MYCBP2: variants seen among roughly 807,000 people sequenced by gnomAD.
MYCBP2 encodes E3 ubiquitin-protein ligase MYCBP2.
MYCBP2 carries 120 observed loss-of-function variants against 525.3 expected under a neutral mutation model. The observed-to-expected ratio is 0.23, with a 90% CI of 0.20 to 0.27. The LOEUF (loss-of-function observed/expected upper bound fraction) is 0.27. Ranked by LOEUF, MYCBP2 falls within the 10% of genes least tolerant of loss-of-function variation. MYCBP2 has a pLI of 1.00. For synonymous variants in MYCBP2, 1,894 were observed against 1,955.8 expected (o/e 0.97, Z 0.83); for missense variants, 4,149 against 5,657.1 (o/e 0.73, Z 8.55).
intron 1 of MYCBP2, among the ~76,000 whole-genome samples, chr13:77,308,176 C>A (rs548813776): frequency 6.6e-6 from 1 of 152,098 alleles, no homozygotes; most frequent in East Asian, 1.9e-4. Flanking sequence ...AAAATCCCTC[C>A]CCTACCCATC....
At chr13:77,118,593 C>T in intron 55 of MYCBP2, 1 of 662,386 alleles carries the variant, frequency 1.5e-6, no homozygotes, top group Non-Finnish European at 2.7e-6. Context: ...TAGAGTTGAA[C>T]ACTAAATAAA....
chr13:77,272,455 T>G (rs1279348899), intron 5 of MYCBP2: 1 of 152,220 alleles, frequency 6.6e-6, no homozygotes, highest in Admixed American at 6.5e-5. Flanking sequence ...GTGGTCACTA[T>G]CCTATTAAAA....
intron 68 of MYCBP2, among the ~76,000 whole-genome samples, chr13:77,070,970 C>T (rs1034435914): frequency 3.3e-5 from 5 of 152,044 alleles, no homozygotes; most frequent in African/African-American, 1.2e-4. Flanking sequence ...ATTTGAGTAG[C>T]TTTGATTAAA....
chr13:77,107,937 G>A (rs948737793), intron 55 of MYCBP2, among the ~76,000 whole-genome samples: 6 of 152,146 alleles, frequency 3.9e-5, no homozygotes, highest in Middle Eastern at 3.4e-3. Context: ...AGCTTAGGAC[G>A]TGGAACAGAA....
chr13:77,220,120 T>C (rs1167574289), intron 20 of MYCBP2, among the ~76,000 whole-genome samples: 2 of 152,240 alleles, frequency 1.3e-5, no homozygotes, highest in East Asian at 3.9e-4. Flanking sequence ...GATTGATTCA[T>C]GTTTGCGGTT....
In MYCBP2 at chr13:77,150,934, C is replaced by G; in HGVS notation, c.6931G>C (p.Val2311Leu). The change falls in exon 47 of 83, where the codon GTC (valine) becomes CTC (leucine). Residue 2311 changes from valine to leucine, a missense_variant. Val to Leu is a conservative substitution (Grantham distance 32). Transcript: ENST00000544440. ...GACATTTTTTTCTGAGAAACAGGGACAGCTTTCACTTCCACCTAAACATGG... is the reference window on the plus strand; with the variant it reads ...GACATTTTTTTCTGAGAAACAGGGAGAGCTTTCACTTCCACCTAAACATGG... ...VPNMKVEVKA[V>L]PVSQKKMSLQ... is the part of the protein sequence containing the mutation. 3 of 1,613,854 alleles carry G rather than the reference C, an allele frequency of 1.9e-6. No homozygotes were observed. Among genetic ancestry groups the G allele is most frequent in the Non-Finnish European group, 2.5e-6 (3 of 1,179,832 alleles).
chr13:77,127,433 T>C (rs1356834806), intron 52 of MYCBP2, among the ~76,000 whole-genome samples: 1 of 151,884 alleles, frequency 6.6e-6, no homozygotes, highest in Non-Finnish European at 1.5e-5. Flanking sequence ...CCCAACTAAA[T>C]GTAAATAAAG....
At chr13:77,262,904 A>G (rs1384859246) in intron 10 of MYCBP2, among the ~76,000 whole-genome samples, 1 of 151,976 alleles carries the variant, frequency 6.6e-6, no homozygotes, top group African/African-American at 2.4e-5. Context: ...TAATTAGAAT[A>G]TAGAAAGTAA....
intron 21 of MYCBP2, among the ~76,000 whole-genome samples, chr13:77,213,858 G>A (rs917334767): frequency 2.0e-5 from 3 of 152,196 alleles, no homozygotes; most frequent in East Asian, 3.9e-4. Context: ...AGGAGACAGC[G>A]GGTGTCATGA....
intron 3 of MYCBP2, among the ~76,000 whole-genome samples, chr13:77,287,578 T>C (rs533269790): frequency 2.1e-4 from 32 of 152,150 alleles, no homozygotes; most frequent in Non-Finnish European, 4.1e-4. Flanking sequence ...GAAGTTCAGT[T>C]GGTTCATAGG....
Position 77,051,815 on chromosome 13 carries a change from G to A in MYCBP2, c.13751C>T (p.Ala4584Val). The A allele has an allele frequency of 6.2e-7, 1 of 1,612,458 alleles. No individual in the cohort carries two copies. The highest frequency in any genetic ancestry group is 8.5e-7 in the Non-Finnish European group (1 of 1,178,676). Residue 4584 changes from alanine (A) to valine (V), a missense_variant, in exon 81 of 83, where the codon GCT becomes GTT. Physicochemically the swap from Ala to Val is moderately conservative, Grantham distance 64. Coordinates refer to ENST00000544440, the MANE Select transcript of MYCBP2 (RefSeq NM_015057.5). ...CTAATAAAATGTTCTGCCTACCTGA[G>A]CCCTGGAAACATCAGAACAGGCACC... ...ICGACSDVSR[A>V]QMCPKHGTDF... is the part of the protein sequence containing the mutation.
chr13:77,291,891 G>A (rs2077519540), intron 2 of MYCBP2, among the ~76,000 whole-genome samples: 1 of 152,172 alleles, frequency 6.6e-6, no homozygotes, highest in Non-Finnish European at 1.5e-5. Flanking sequence ...TTGACCCTTG[G>A]CTAACCTTTG....
At chr13:77,232,595 G>C (rs1273245547) in intron 18 of MYCBP2, among the ~76,000 whole-genome samples, 3 of 152,176 alleles carry the variant, frequency 2.0e-5, no homozygotes, top group Non-Finnish European at 2.9e-5. Context: ...CCAGGGACTA[G>C]AGAAAGTCTT....
chr13:77,064,750 G>A lies in MYCBP2; in HGVS notation c.12553-16C>T, dbSNP rs774072760. The A allele has an allele frequency of 6.2e-7, 1 of 1,601,412 alleles. No individual in the cohort carries two copies. Among genetic ancestry groups the A allele is most frequent in the Non-Finnish European group, 8.5e-7 (1 of 1,174,454 alleles). On this transcript the variant is annotated splice_polypyrimidine_tract_variant and intron_variant, in intron 72 of 82. Transcript: ENST00000544440. ...ACAGATGACCCTATTGAGCAGAACAGAGTATTTTAATAAGTGACCAGAAAT... is the reference window on the plus strand; with the variant it reads ...ACAGATGACCCTATTGAGCAGAACAAAGTATTTTAATAAGTGACCAGAAAT...
intron 5 of MYCBP2, among the ~76,000 whole-genome samples, chr13:77,270,934 T>C (rs149115172): frequency 1.5e-3 from 232 of 152,274 alleles, no homozygotes; most frequent in African/African-American, 5.3e-3. Flanking sequence ...TCTTCCTCTT[T>C]ATCTTTCAGT....
intron 42 of MYCBP2, among the ~76,000 whole-genome samples, chr13:77,165,015 A>G (rs2058370198): frequency 1.3e-5 from 2 of 152,108 alleles, no homozygotes; most frequent in Non-Finnish European, 2.9e-5. Flanking sequence ...AGAATTGCAC[A>G]CCCCTAGGTT....
At position 77,213,227 on chromosome 13, in the gene MYCBP2, C is replaced by A. The variant is rs1007234463; in HGVS notation, c.3058-1067G>T. ...CAGTAGCTCACGCCTGTAATCCCAG[C>A]ACTTTGGGAGGCCGAGATGGGAGGA... On this transcript the variant is annotated intron_variant, in intron 21 of 82. Transcript: ENST00000544440. 4.6e-5 allele frequency among the ~76,000 whole-genome samples: 7 copies of A among 152,180 alleles called. No individual in the cohort carries two copies. In the East Asian group the frequency reaches 1.3e-3, roughly 29 times the overall value.
chr13:77,114,692 A>C (rs191556792), intron 55 of MYCBP2, among the ~76,000 whole-genome samples: 90 of 152,200 alleles, frequency 5.9e-4, no homozygotes, highest in African/African-American at 2.1e-3. Flanking sequence ...GTCTTTTGAC[A>C]TATATCATAT....
chr13:77,295,507 T>C (rs1229787395), intron 2 of MYCBP2, among the ~76,000 whole-genome samples: 3 of 152,222 alleles, frequency 2.0e-5, no homozygotes, highest in African/African-American at 7.2e-5. Context: ...CCCCAACCTT[T>C]CATTTTATTT....
Sources: gnomAD v4.1 joint callset for allele counts (sites outside exome capture counted in the v4.1 genomes callset) on GRCh38, gnomAD v4.1.1 for gene constraint, MANE v1.5 for transcripts, NCBI Gene and HGNC (gene_info 2026-07-23, HGNC 2026-07-21) for gene names.